Variants in ZNF221 observed in about 807,000 individuals in gnomAD.
ZNF221 encodes the protein zinc finger protein 221.
Under a neutral mutation model 12.6 loss-of-function variants are expected in ZNF221, and 10 were observed. That is an observed-to-expected ratio of 0.79 (90% CI 0.49 to 1.34). The LOEUF (loss-of-function observed/expected upper bound fraction) is 1.34, where lower values mean the gene tolerates loss of function less well. ZNF221 is among the 40% of genes most tolerant of loss of function. The pLI is 0.00. For synonymous variants in ZNF221, 232 were observed against 244.0 expected (o/e 0.95, Z 0.46); for missense variants, 661 against 721.4 (o/e 0.92, Z 0.96).
downstream of ZNF221, among the ~76,000 whole-genome samples, chr19:43,969,937 C>G (rs551373474): frequency 6.6e-6 from 1 of 152,350 alleles, no homozygotes; most frequent in East Asian, 1.9e-4. Flanking sequence ...GTAAGTAGGT[C>G]CCTGATCCTG....
chr19:43,980,944 A>C, the ZNF221 span, among the ~76,000 whole-genome samples: 1 of 152,324 alleles, frequency 6.6e-6, no homozygotes, highest in South Asian at 2.1e-4. Flanking sequence ...TAAAATGTTA[A>C]TGAAAGATAG....
downstream of ZNF221, among the ~76,000 whole-genome samples, chr19:43,971,742 A>C (rs1036446835): frequency 7.9e-5 from 12 of 152,162 alleles, no homozygotes; most frequent in Admixed American, 7.9e-4. Flanking sequence ...ACCCAATAGC[A>C]GAGGACCCAG....
At chr19:43,964,863 C>T (rs2147342865) in intron 2 of ZNF221, 87 bp from the exon 3 acceptor site, 2 of 1,556,460 alleles carry the variant, frequency 1.3e-6, no homozygotes, top group Non-Finnish European at 8.8e-7. Flanking sequence ...CAACTTACCA[C>T]ACCTGTCCCC....
In ZNF221 at chr19:43,966,585, A is replaced by G. The variant is rs1420760488; in HGVS notation, c.1083A>G (p.Ile361Met). The G allele has an allele frequency of 6.2e-7, 1 of 1,614,066 alleles. No homozygotes were observed. The highest frequency in any genetic ancestry group is 8.5e-7 in the Non-Finnish European group (1 of 1,180,030). ...TTAATAGTCATTCCATGGTCCACAT[A>G]GAAGAGAAGCCATACAAATGTGAGC... ...SALNSHSMVH[I>M]EEKPYKCEQC... The change falls in exon 5 of 5, where the codon ATA becomes ATG. Residue 361 changes from isoleucine to methionine, a missense_variant. Ile to Met is a conservative substitution (Grantham distance 10). Transcript: ENST00000587682.
In ZNF221 at chr19:43,965,302, C is replaced by A. The variant is rs1318778052; in HGVS notation, c.278C>A (p.Thr93Lys). 5.0e-6 allele frequency: 8 copies of A among 1,613,268 alleles called. No homozygotes were observed. The highest frequency in any genetic ancestry group is 1.3e-5 in the African/African-American group (1 of 74,810). The change falls in exon 4 of 5, where the codon ACA becomes AAA. Residue 93 changes from threonine (T) to lysine (K), a missense_variant. Physicochemically the swap from Thr to Lys is moderately conservative, Grantham distance 78 (BLOSUM62 -1). Coordinates refer to ENST00000587682, the MANE Select transcript of ZNF221 (RefSeq NM_001297588.2). Reference sequence around the variant, plus strand: ...GAAAAGTTTTGGAAGATGAAGACAACAAGCCAAAGAGAAGGGAATTCAGGT... The same window carrying A: ...GAAAAGTTTTGGAAGATGAAGACAAAAAGCCAAAGAGAAGGGAATTCAGGT... Reference protein sequence around the residue: ...GKEKFWKMKTTSQREGNSGGK... With the variant: ...GKEKFWKMKTKSQREGNSGGK...
chr19:43,969,296 C>G (rs982536988), downstream of ZNF221, among the ~76,000 whole-genome samples: 1 of 147,184 alleles, frequency 6.8e-6, no homozygotes, highest in Non-Finnish European at 1.5e-5. Context: ...CTGCCCAACA[C>G]AGAACACCTG....
intron 1 of ZNF221, among the ~76,000 whole-genome samples, chr19:43,953,257 C>T (rs1421114629): frequency 2.8e-5 from 4 of 142,298 alleles, no homozygotes; most frequent in Non-Finnish European, 6.2e-5. Flanking sequence ...AGTCATTAAG[C>T]TTTTTTTTTT....
chr19:43,961,460 G>A (rs58050657), intron 1 of ZNF221, among the ~76,000 whole-genome samples: 56,944 of 151,840 alleles, frequency 0.38, 12,243 homozygotes, highest in South Asian at 0.51. Context: ...CATATAAGAT[G>A]CTAGGTAGTA....
At position 43,965,793 on chromosome 19, in the gene ZNF221, T is replaced by C; in HGVS notation, c.302-11T>C. On this transcript the variant is annotated splice_polypyrimidine_tract_variant and intron_variant, in intron 4 of 4. Coordinates refer to ENST00000587682, the MANE Select transcript of ZNF221 (RefSeq NM_001297588.2). ...CACTTGCCCACATATATTAATTCTG[T>C]GTCTTTTTAGGAGGCAAGATCCAAA... 1 of 1,569,410 alleles carries C rather than the reference T, an allele frequency of 6.4e-7. No individual in the cohort carries two copies. Among genetic ancestry groups the C allele is most frequent in the Non-Finnish European group, 8.6e-7 (1 of 1,157,902 alleles).
Position 43,966,503 on chromosome 19 carries a change from G to A in ZNF221, c.1001G>A (p.Gly334Glu). The change falls in exon 5 of 5, where the codon GGA (glycine) becomes GAA (glutamate). Residue 334 changes from glycine to glutamate, a missense_variant. Physicochemically the swap from Gly to Glu is moderately conservative, Grantham distance 98. Coordinates refer to ENST00000587682, the MANE Select transcript of ZNF221 (RefSeq NM_001297588.2). Reference protein sequence around the residue: ...RLNRHSMVHTGEKPFRCDTCG... With the variant: ...RLNRHSMVHTEEKPFRCDTCG... The stretch of plus-strand genomic sequence containing the variant: ...AATAGGCATTCCATGGTTCACACAG[G>A]AGAAAAACCATTCAGATGTGATACA... 1 of 1,614,146 alleles carries A rather than the reference G, an allele frequency of 6.2e-7. No individual in the cohort carries two copies. Among genetic ancestry groups the A allele is most frequent in the Non-Finnish European group, 8.5e-7 (1 of 1,180,016 alleles).
At chr19:43,959,047 T>C (rs1421857002) in intron 1 of ZNF221, among the ~76,000 whole-genome samples, 1 of 152,128 alleles carries the variant, frequency 6.6e-6, no homozygotes, top group East Asian at 1.9e-4. Flanking sequence ...TCTGTAATTG[T>C]TGCATCATGT....
At position 43,966,765 on chromosome 19, in the gene ZNF221, C is replaced by T; in HGVS notation, c.1263C>T (p.Ser421=). The T allele has an allele frequency of 6.2e-7, 1 of 1,614,090 alleles. No individual in the cohort carries two copies. The change falls in exon 5 of 5, where the codon TCC becomes TCT. Residue 421 remains serine, a synonymous_variant. Transcript: ENST00000587682. The part of the protein sequence containing the change: ...NHQQVHSGQK[S]FKCEECGKGF... ...AGCAAGTCCACAGTGGACAAAAATC[C>T]TTCAAATGTGAAGAATGTGGGAAGG...
chr19:43,966,609 G>A lies in ZNF221; in HGVS notation c.1107G>A (p.Glu369=). Residue 369 remains glutamate (E), a synonymous_variant, in exon 5 of 5, where the codon GAG becomes GAA. Coordinates refer to ENST00000587682, the MANE Select transcript of ZNF221 (RefSeq NM_001297588.2). ...TAGAAGAGAAGCCATACAAATGTGA[G>A]CAATGTGGAAAAGGCTTCATTTGTA... ...VHIEEKPYKC[E]QCGKGFICRR... 6.2e-7 allele frequency: 1 copy of A among 1,614,130 alleles called. No individual in the cohort carries two copies. The highest frequency in any genetic ancestry group is 1.1e-5 in the South Asian group (1 of 91,090).
chr19:43,966,229 A>C lies in ZNF221; in HGVS notation c.727A>C (p.Thr243Pro), dbSNP rs1974950141. 1.2e-6 allele frequency: 2 copies of C among 1,614,066 alleles called. No individual in the cohort carries two copies. The highest frequency in any genetic ancestry group is 3.3e-5 in the Admixed American group (2 of 60,014). The part of the protein sequence containing the change: ...KEFNQSSHLQ[T>P]HQRVHTGEKP... ...ATTTAATCAGAGCTCACATCTGCAA[A>C]CTCATCAGAGAGTCCATACTGGAGA... Residue 243 changes from threonine to proline, a missense_variant, in exon 5 of 5, where the codon ACT (threonine) becomes CCT (proline). Coordinates refer to ENST00000587682, the MANE Select transcript of ZNF221 (RefSeq NM_001297588.2).
Position 43,966,067 on chromosome 19 carries a change from C to T in ZNF221, c.565C>T (p.Gln189Ter). 1 of 1,614,216 alleles carries T rather than the reference C, an allele frequency of 6.2e-7. No homozygotes were observed. Among genetic ancestry groups the T allele is most frequent in the Non-Finnish European group, 8.5e-7 (1 of 1,180,036 alleles). ...FSDVSVFDLH[Q>*]QSHSGEKSHT... Reference sequence around the variant, plus strand: ...TGATGTTTCTGTCTTTGATCTTCATCAACAATCACACTCAGGAGAGAAATC... The same window carrying T: ...TGATGTTTCTGTCTTTGATCTTCATTAACAATCACACTCAGGAGAGAAATC... Residue 189 changes from glutamine (Q) to a stop codon, truncating the protein, a stop_gained, in exon 5 of 5, where the codon CAA becomes TAA. Transcript: ENST00000587682. LOFTEE classifies it low-confidence loss of function (END_TRUNC).
chr19:43,980,285 C>T, the ZNF221 span, among the ~76,000 whole-genome samples: 1 of 152,264 alleles, frequency 6.6e-6, no homozygotes, highest in East Asian at 1.9e-4. Context: ...AAACAGAAAT[C>T]CAACTGGAAT....
the ZNF221 span, among the ~76,000 whole-genome samples, chr19:43,973,493 C>G: frequency 6.6e-6 from 1 of 152,266 alleles, no homozygotes; most frequent in South Asian, 2.1e-4. Flanking sequence ...GATCCTATAT[C>G]TAGAAAACCC....
rs1181264012 is a variant in ZNF221, at chr19:43,966,307, C to T, written c.805C>T (p.Leu269Phe). Residue 269 changes from leucine (L) to phenylalanine (F), a missense_variant, in exon 5 of 5, where the codon CTT (leucine) becomes TTT (phenylalanine). Transcript: ENST00000587682. ...GAAAGGCTTCCATAGTAGATCAGCA[C>T]TTAATGTTCATTGCAAATTGCACAC... ...CGKGFHSRSA[L>F]NVHCKLHTGE... is the part of the protein sequence containing the mutation. The T allele has an allele frequency of 2.5e-6, 4 of 1,614,154 alleles. No homozygotes were observed. Among genetic ancestry groups the T allele is most frequent in the Non-Finnish European group, 3.4e-6 (4 of 1,180,018 alleles).
rs775229000 is a variant in ZNF221, at chr19:43,966,670, G to A, written c.1168G>A (p.Gly390Arg). ...TTGTAAGCATCAGATGGTCCACACA[G>A]GAGAGAAACCATATAATTGTAAAGA... ...DFCKHQMVHT[G>R]EKPYNCKECG... The change falls in exon 5 of 5, where the codon GGA becomes AGA. Residue 390 changes from glycine to arginine, a missense_variant. Gly to Arg is a moderately radical substitution (Grantham distance 125). Coordinates refer to ENST00000587682, the MANE Select transcript of ZNF221 (RefSeq NM_001297588.2). 1.2e-6 allele frequency: 2 copies of A among 1,614,218 alleles called. No homozygotes were observed. The highest frequency in any genetic ancestry group is 2.2e-5 in the South Asian group (2 of 91,082).
Sources: gnomAD v4.1 joint callset for allele counts (sites outside exome capture counted in the v4.1 genomes callset) on GRCh38, gnomAD v4.1.1 for gene constraint, MANE v1.5 for transcripts, NCBI Gene and HGNC (gene_info 2026-07-23, HGNC 2026-07-21) for gene names.